Variants in RNFT2 observed in about 807,000 individuals in gnomAD.
RNFT2 encodes the protein ring finger protein, transmembrane 2, also known as E3 ubiquitin-protein ligase RNFT2.
In RNFT2, 36 loss-of-function variants were observed where a neutral mutation model predicts 53.0. The observed-to-expected ratio is 0.68, with a 90% CI of 0.52 to 0.90. The LOEUF (loss-of-function observed/expected upper bound fraction) is 0.90. Ranked by LOEUF, RNFT2 falls within the 40% of genes least tolerant of loss-of-function variation. The pLI, the probability that RNFT2 is intolerant of heterozygous loss-of-function variation, is 0.00. For synonymous variants in RNFT2, 260 were observed against 253.2 expected, an observed-to-expected ratio of 1.03 and a Z score of -0.26; for missense variants, 514 against 585.6, an observed-to-expected ratio of 0.88 and a Z score of 1.26.
At chr12:116,750,908 ATT>A (rs386377851) in intron 4 of RNFT2, among the ~76,000 whole-genome samples, 6 of 70,016 alleles carry the variant, frequency 8.6e-5, no homozygotes, top group Non-Finnish European at 1.5e-4. Context: ...ATATATATAT[ATT>A]TTTTTTTGAG....
intron 3 of RNFT2, among the ~76,000 whole-genome samples, chr12:116,743,589 C>T (rs767165322): frequency 1.1e-4 from 17 of 152,032 alleles, no homozygotes; most frequent in Non-Finnish European, 2.1e-4. Flanking sequence ...TCTATTGAAA[C>T]CCAAGAGGGA....
intron 8 of RNFT2, among the ~76,000 whole-genome samples, chr12:116,835,400 T>A (rs1876908459): frequency 6.6e-6 from 1 of 152,234 alleles, no homozygotes. Flanking sequence ...TTTCTTTTCA[T>A]CATTAGTACA....
chr12:116,771,340 G>A (rs140257670), intron 6 of RNFT2, among the ~76,000 whole-genome samples: 1,633 of 151,258 alleles, frequency 0.011, 14 homozygotes, highest in South Asian at 0.03. Flanking sequence ...TGCACCTATA[G>A]TCCCCGCTAC....
chr12:116,788,353 A>G (rs1874033043), intron 7 of RNFT2, among the ~76,000 whole-genome samples: 1 of 152,164 alleles, frequency 6.6e-6, no homozygotes, highest in Non-Finnish European at 1.5e-5. Context: ...CTAACCTACA[A>G]TCTTCTAGAG....
chr12:116,802,574 A>G (rs988217097), intron 7 of RNFT2, among the ~76,000 whole-genome samples: 1 of 152,192 alleles, frequency 6.6e-6, no homozygotes, highest in Non-Finnish European at 1.5e-5. Flanking sequence ...ATTGGGAATG[A>G]TGTAGCCACA....
chr12:116,771,296 CA>C (rs1287816188), intron 6 of RNFT2, among the ~76,000 whole-genome samples: 1 of 151,112 alleles, frequency 6.6e-6, no homozygotes, highest in African/African-American at 2.4e-5. Context: ...TCCATCTCTA[CA>C]AAAAATACAA....
intron 7 of RNFT2, among the ~76,000 whole-genome samples, chr12:116,788,172 C>T (rs1246318226): frequency 6.6e-6 from 1 of 152,226 alleles, no homozygotes; most frequent in African/African-American, 2.4e-5. Flanking sequence ...GGTGATCCGC[C>T]TGCTTTGGCC....
intron 7 of RNFT2, among the ~76,000 whole-genome samples, chr12:116,812,360 A>G (rs1164479397): frequency 2.6e-5 from 4 of 152,088 alleles, no homozygotes; most frequent in Non-Finnish European, 5.9e-5. Flanking sequence ...GAGGACGGGG[A>G]TGGCAGAGGG....
chr12:116,773,432 C>T (rs1333519412), intron 6 of RNFT2, among the ~76,000 whole-genome samples: 1 of 152,194 alleles, frequency 6.6e-6, no homozygotes, highest in South Asian at 2.1e-4. Context: ...CAACAAGCCT[C>T]GAGAAAGGGC....
At chr12:116,744,779 T>C (rs1871817835) in intron 3 of RNFT2, among the ~76,000 whole-genome samples, 1 of 152,134 alleles carries the variant, frequency 6.6e-6, no homozygotes, top group Non-Finnish European at 1.5e-5. Flanking sequence ...AGGCCAGCTA[T>C]AAAAAGCCCC....
Position 116,849,408 on chromosome 12 carries a change from G to A in RNFT2, c.1295G>A (p.Trp432Ter), listed in dbSNP as rs1877793889. 6.3e-7 allele frequency: 1 copy of A among 1,583,678 alleles called. No individual in the cohort carries two copies. Residue 432 changes from tryptophan (W) to a stop codon, truncating the protein, a stop_gained, in exon 11 of 11, where the codon TGG (tryptophan) becomes TAG (stop). Transcript: ENST00000257575. LOFTEE classifies it high-confidence loss of function. Reference sequence around the variant, plus strand: ...GTCGCCGTGGACACCCTGCGCTGCTGGAAGGACGGCGCCACGTCCGCACAC... The same window carrying A: ...GTCGCCGTGGACACCCTGCGCTGCTAGAAGGACGGCGCCACGTCCGCACAC... ...RSVAVDTLRCWKDGATSAHFQ... is the reference protein window; with the variant it reads ...RSVAVDTLRC
At chr12:116,782,841 C>T (rs1421392041) in intron 7 of RNFT2, among the ~76,000 whole-genome samples, 3 of 152,198 alleles carry the variant, frequency 2.0e-5, no homozygotes, top group Non-Finnish European at 4.4e-5. Flanking sequence ...CTGTGCCCTC[C>T]TCGTACCCTT....
chr12:116,809,876 T>C (rs1055475788), intron 7 of RNFT2, among the ~76,000 whole-genome samples: 1 of 152,154 alleles, frequency 6.6e-6, no homozygotes, highest in Non-Finnish European at 1.5e-5. Context: ...GGTTTCACCA[T>C]GTTGGCCAGG....
At chr12:116,816,174 C>G (rs924079) in intron 7 of RNFT2, among the ~76,000 whole-genome samples, 109,282 of 152,114 alleles carry the variant, frequency 0.72, 41,954 homozygotes, top group Non-Finnish European at 0.86. Flanking sequence ...TCATCAACAT[C>G]TTATAATTAG....
intron 10 of RNFT2, among the ~76,000 whole-genome samples, chr12:116,846,646 T>C (rs1018957751): frequency 6.6e-6 from 1 of 152,090 alleles, no homozygotes; most frequent in Non-Finnish European, 1.5e-5. Context: ...TTTATTATTA[T>C]TTCCTCAAAT....
Position 116,844,494 on chromosome 12 carries a change from C to T in RNFT2, c.1201-4820C>T, listed in dbSNP as rs1014678761. On this transcript the variant is annotated intron_variant, in intron 10 of 10. Coordinates refer to ENST00000257575, the MANE Select transcript of RNFT2 (RefSeq NM_001382266.1). ...TCGTGATCTGCCCACCTTGGCCTCC[C>T]AAAGTGTTGGGATTACAGGCGTGAG... 4.6e-5 allele frequency among the ~76,000 whole-genome samples: 7 copies of T among 152,324 alleles called. No individual in the cohort carries two copies. In the Middle Eastern group the frequency reaches 0.01, roughly 222 times the overall value.
chr12:116,841,858 A>AG (rs1877313449), intron 10 of RNFT2, among the ~76,000 whole-genome samples: 2 of 24,450 alleles, frequency 8.2e-5, no homozygotes, highest in African/African-American at 3.1e-4. Flanking sequence ...TATATATAAA[A>AG]ATATATATAT....
chr12:116,774,910 G>A (rs1030660085), intron 6 of RNFT2, among the ~76,000 whole-genome samples: 1 of 151,732 alleles, frequency 6.6e-6, no homozygotes, highest in Admixed American at 6.6e-5. Context: ...CATCAAAGCA[G>A]GCTGAGTCAA....
rs1871546265 is a variant in RNFT2 at position 116,740,350 on chromosome 12, G to C, written c.-148G>C. 1.4e-6 allele frequency: 1 copy of C among 699,194 alleles called. No individual in the cohort carries two copies. Among genetic ancestry groups the C allele is most frequent in the East Asian group, 2.8e-5 (1 of 36,264 alleles). 43.3% of individuals were successfully genotyped at this position (699,194 alleles called of 1,614,324 possible). On this transcript the variant is annotated 5_prime_UTR_variant, in exon 2 of 11. Transcript: ENST00000257575. ...AGGTGTTCTGTTCCATCCAGGTTTG[G>C]AGTCTCTGGCAAGCTCCCCTGACTG...
Sources: allele counts gnomAD v4.1 joint callset (sites outside exome capture counted in the v4.1 genomes callset), GRCh38; gene constraint gnomAD v4.1.1; transcripts MANE v1.5; gene names NCBI Gene and HGNC (gene_info 2026-07-23, HGNC 2026-07-21).